SH3BP4: variants seen among roughly 807,000 people sequenced by gnomAD.
SH3BP4 encodes the protein SH3 domain-binding protein 4.
A neutral mutation model predicts 65.5 loss-of-function variants in SH3BP4; 33 were observed. The observed-to-expected ratio is 0.50, with a 90% CI of 0.38 to 0.67. The LOEUF is 0.67. SH3BP4 is among the 30% of genes least tolerant of loss of function. SH3BP4 has a pLI of 0.00. For missense variants in SH3BP4, 1,134 were observed against 1,261.4 expected, an observed-to-expected ratio of 0.90 and a Z score of 1.53; for synonymous variants, 552 against 545.5, an observed-to-expected ratio of 1.01 and a Z score of -0.17.
intron 2 of SH3BP4, among the ~76,000 whole-genome samples, chr2:235,022,365 C>G (rs1167276571): frequency 6.6e-6 from 1 of 151,996 alleles, no homozygotes; most frequent in African/African-American, 2.4e-5. Flanking sequence ...ACCAGCCTGG[C>G]CAACATGGTG....
chr2:235,010,262 G>C (rs961564613), intron 2 of SH3BP4, among the ~76,000 whole-genome samples: 1 of 152,044 alleles, frequency 6.6e-6, no homozygotes, highest in Non-Finnish European at 1.5e-5. Context: ...TCTGTCCCTG[G>C]GCCCACCCCA....
At position 235,033,866 on chromosome 2, in the gene SH3BP4, C is replaced by T. The variant is rs536784100; in HGVS notation, c.-132-1005C>T. 6.6e-6 allele frequency among the ~76,000 whole-genome samples: 1 copy of T among 152,318 alleles called. No individual in the cohort carries two copies. The highest frequency in any genetic ancestry group is 1.9e-4 in the East Asian group (1 of 5,182). On this transcript the variant is annotated intron_variant, in intron 2 of 5. Transcript: ENST00000392011. The surrounding 1 kb of genome is among the most constrained non-coding windows in gnomAD (Gnocchi z 5.7). ...AGGCAGCACACTGGGTCAGAAGCTACATTCTCAGCTGTCCCTGGATAGAGG... is the reference window on the plus strand; with the variant it reads ...AGGCAGCACACTGGGTCAGAAGCTATATTCTCAGCTGTCCCTGGATAGAGG...
intron 2 of SH3BP4, among the ~76,000 whole-genome samples, chr2:234,998,520 C>T (rs1693998021): frequency 6.6e-6 from 1 of 152,262 alleles, no homozygotes; most frequent in East Asian, 1.9e-4. Context: ...CTCCAAAGTT[C>T]CTATCCCTTT....
At chr2:235,050,857 G>GT (rs1696027856) in intron 4 of SH3BP4, among the ~76,000 whole-genome samples, 2 of 152,078 alleles carry the variant, frequency 1.3e-5, no homozygotes, top group African/African-American at 4.8e-5. Context: ...GGGGTTGTTT[G>GT]TTTTTTAGCA....
At chr2:234,958,419 C>T (rs377738950) in intron 1 of SH3BP4, among the ~76,000 whole-genome samples, 3 of 151,966 alleles carry the variant, frequency 2.0e-5, no homozygotes, top group African/African-American at 4.8e-5. Flanking sequence ...AGGAGGTGCT[C>T]GCCCTGGGGG....
chr2:235,005,935 C>T (rs1694278892), intron 2 of SH3BP4, among the ~76,000 whole-genome samples: 1 of 152,254 alleles, frequency 6.6e-6, no homozygotes, highest in South Asian at 2.1e-4. Context: ...TGGAATCCCG[C>T]TCTTGCGTGC....
At chr2:235,022,205 G>A (rs1378508158) in intron 2 of SH3BP4, among the ~76,000 whole-genome samples, 2 of 152,142 alleles carry the variant, frequency 1.3e-5, no homozygotes, top group East Asian at 3.9e-4. Context: ...GAGATTTTAG[G>A]ATGTAATTGA....
At chr2:235,014,078 A>G (rs923011000) in intron 2 of SH3BP4, among the ~76,000 whole-genome samples, 1 of 152,070 alleles carries the variant, frequency 6.6e-6, no homozygotes, top group African/African-American at 2.4e-5. Flanking sequence ...CTATTAAAGT[A>G]TATGTTAATC....
At chr2:235,038,376 C>CATAT (rs1177080438) in intron 3 of SH3BP4, among the ~76,000 whole-genome samples, 154 of 12,232 alleles carry the variant, frequency 0.013, 6 homozygotes, top group Non-Finnish European at 0.016. Context: ...AATATATATA[C>CATAT]ATATATATAT....
At chr2:235,044,880 G>A (rs891926707) in intron 4 of SH3BP4, among the ~76,000 whole-genome samples, 7 of 152,230 alleles carry the variant, frequency 4.6e-5, no homozygotes, top group African/African-American at 1.7e-4. Flanking sequence ...ATGGAGCCAC[G>A]AGATTGCCCA....
chr2:235,025,544 G>T (rs1433281911), intron 2 of SH3BP4, among the ~76,000 whole-genome samples: 1 of 152,226 alleles, frequency 6.6e-6, no homozygotes, highest in Non-Finnish European at 1.5e-5. Context: ...CAAGCACCAA[G>T]CTTCGGAGGC....
At chr2:234,953,010 G>C (rs1692510066) in intron 1 of SH3BP4, 1 of 152,312 alleles carries the variant, frequency 6.6e-6, no homozygotes, top group Non-Finnish European at 1.5e-5. Flanking sequence ...GATGCCGCGC[G>C]GGAGGAGCCG....
intron 1 of SH3BP4, among the ~76,000 whole-genome samples, chr2:234,981,357 T>C (rs114266592): frequency 0.018 from 2,795 of 152,250 alleles, 36 homozygotes; most frequent in Non-Finnish European, 0.027. Flanking sequence ...GGGAGTGCTT[T>C]CCTGTTCAGA....
At chr2:235,024,812 A>T (rs1462164016) in intron 2 of SH3BP4, among the ~76,000 whole-genome samples, 2 of 151,988 alleles carry the variant, frequency 1.3e-5, no homozygotes, top group Admixed American at 6.6e-5. Flanking sequence ...ATTTTTTTTT[A>T]AAGAAGATGG....
At chr2:235,032,449 G>A (rs562290808) in intron 2 of SH3BP4, among the ~76,000 whole-genome samples, 12 of 152,276 alleles carry the variant, frequency 7.9e-5, no homozygotes, top group African/African-American at 2.4e-4. Context: ...AAATGATCCC[G>A]CATTTTTGTA....
intron 1 of SH3BP4, among the ~76,000 whole-genome samples, chr2:234,955,251 C>T (rs895795839): frequency 6.6e-6 from 1 of 152,114 alleles, no homozygotes; most frequent in African/African-American, 2.4e-5. Flanking sequence ...TGGCCAGGAG[C>T]GAGCCTCAGG....
rs1020799827 is a variant in SH3BP4 at position 234,967,048 on chromosome 2, G to A, written c.-207+14878G>A. ...GGCTGCATGCCATCCTGTGTTTTCA[G>A]CGCTTTACAACCTTACAACCATAGG... On this transcript the variant is annotated intron_variant, in intron 1 of 5. Coordinates refer to ENST00000392011, the MANE Select transcript of SH3BP4 (RefSeq NM_014521.3). This position sits in a 1 kb window ranked among gnomAD's most constrained non-coding sequence, Gnocchi z 4.6. Among the ~76,000 whole-genome samples the A allele has an allele frequency of 2.0e-5, 3 of 152,122 alleles. No homozygotes were observed. The highest frequency in any genetic ancestry group is 7.2e-5 in the African/African-American group (3 of 41,390).
chr2:235,008,839 A>G (rs1050091470), intron 2 of SH3BP4, among the ~76,000 whole-genome samples: 4 of 152,152 alleles, frequency 2.6e-5, no homozygotes, highest in Admixed American at 2.0e-4. Flanking sequence ...CACTTTGCTC[A>G]TTTATGCTTT....
At chr2:234,999,898 G>A (rs149583604) in intron 2 of SH3BP4, among the ~76,000 whole-genome samples, 1 of 152,376 alleles carries the variant, frequency 6.6e-6, no homozygotes, top group African/African-American at 2.4e-5. Flanking sequence ...CCTGGCCCAG[G>A]AGTGGCTGCC....
Sources: gnomAD v4.1 joint callset for allele counts (sites outside exome capture counted in the v4.1 genomes callset) on GRCh38, gnomAD v4.1.1 for gene constraint, Gnocchi (gnomAD v3.1) non-coding constraint, MANE v1.5 for transcripts, NCBI Gene and HGNC (gene_info 2026-07-23, HGNC 2026-07-21) for gene names.